The following ATP2C2 variants were observed in gnomAD, a reference collection of about 807,000 sequenced individuals.
The protein encoded by ATP2C2 is ATPase secretory pathway Ca2+ transporting 2.
ATP2C2 carries 171 observed loss-of-function variants against 110.8 expected under a neutral mutation model. The observed-to-expected ratio is 1.54, with a 90% CI of 1.36 to 1.75. The LOEUF is 1.75. ATP2C2 is among the 40% of genes most tolerant of loss of function. The pLI is 0.00. For synonymous variants in ATP2C2, 804 were observed against 508.4 expected (o/e 1.58, Z -7.82); for missense variants, 1,963 against 1,235.0 (o/e 1.59, Z -8.84).
chr16:84,439,360 A>G, intron 12 of ATP2C2, 67 bp from the exon 13 acceptor site: 2 of 1,612,650 alleles, frequency 1.2e-6, no homozygotes, highest in Admixed American at 3.3e-5. Context: ...AGGGCAATCC[A>G]GCCTGGGGGT....
intron 18 of ATP2C2, 112 bp downstream of exon 18, chr16:84,452,203 A>G: frequency 7.6e-7 from 1 of 1,315,418 alleles, no homozygotes; most frequent in Non-Finnish European, 1.0e-6. Flanking sequence ...GCTCACGCCT[A>G]GCCCTACAGG....
At chr16:84,373,275 G>A (rs895502113) in intron 1 of ATP2C2, among the ~76,000 whole-genome samples, 22 of 152,244 alleles carry the variant, frequency 1.4e-4, no homozygotes, top group South Asian at 6.2e-4. Flanking sequence ...CGAGGCAGGC[G>A]GATCACCTGA....
intron 14 of ATP2C2, 98 bp downstream of exon 14, chr16:84,441,056 T>C: frequency 2.8e-6 from 3 of 1,070,890 alleles, no homozygotes; most frequent in Middle Eastern, 2.0e-4. Flanking sequence ...CTACTGGTTC[T>C]TGACAATGAC....
At chr16:84,444,172 A>AC (rs1410511918) in intron 15 of ATP2C2, among the ~76,000 whole-genome samples, 1 of 150,074 alleles carries the variant, frequency 6.7e-6, no homozygotes, top group African/African-American at 2.5e-5. Flanking sequence ...CAAAAAAAAA[A>AC]AAAAAAAAAA....
intron 6 of ATP2C2, among the ~76,000 whole-genome samples, chr16:84,412,433 T>A (rs566376341): frequency 1.3e-5 from 2 of 150,202 alleles, no homozygotes; most frequent in African/African-American, 4.8e-5. Flanking sequence ...TGTGTGCGTG[T>A]GTGTATGCAT....
At chr16:84,422,767 C>T (rs1180062745) in intron 9 of ATP2C2, 70 bp downstream of exon 9, 4 of 1,452,094 alleles carry the variant, frequency 2.8e-6, no homozygotes, top group Non-Finnish European at 3.8e-6. Flanking sequence ...CAAATAATAC[C>T]AGCCTTGCCT....
At chr16:84,390,387 C>T (rs1904579523) in intron 1 of ATP2C2, among the ~76,000 whole-genome samples, 2 of 152,228 alleles carry the variant, frequency 1.3e-5, no homozygotes, top group Admixed American at 6.5e-5. Context: ...GTAGGTTAAA[C>T]GTCAGTCCTG....
chr16:84,407,751 G>T (rs1351749766), intron 3 of ATP2C2, among the ~76,000 whole-genome samples: 1 of 152,156 alleles, frequency 6.6e-6, no homozygotes, highest in Admixed American at 6.6e-5. Flanking sequence ...GGATTACAGT[G>T]TGAGCCTCTG....
At chr16:84,425,835 G>A (rs139697415) in intron 11 of ATP2C2, 34 bp downstream of exon 11, 1 of 1,609,568 alleles carries the variant, frequency 6.2e-7, no homozygotes, top group East Asian at 2.2e-5. Flanking sequence ...TGCCTTGCCA[G>A]GGTGGTCAAT....
rs80149007 is a variant in ATP2C2 at position 84,410,600 on chromosome 16, C to G, written c.450C>G (p.Ile150Met). 595 of 1,614,144 alleles carry G rather than the reference C, an allele frequency of 3.7e-4. 6 individuals are homozygous for G. In the East Asian group the frequency reaches 0.012, roughly 33 times the overall value. Residue 150 changes from isoleucine to methionine, a missense_variant, in exon 5 of 27, where the codon ATC becomes ATG. Physicochemically the swap from Ile to Met is conservative, Grantham distance 10. Transcript: ENST00000262429. ...AVLVVVTVAF[I>M]QEYRSEKSLE... is the part of the protein sequence containing the mutation. Reference sequence around the variant, plus strand: ...TTGTCGTGGTCACTGTCGCCTTCATCCAGGTGAGTATTTCCTGAGGTCCCA... The same window carrying G: ...TTGTCGTGGTCACTGTCGCCTTCATGCAGGTGAGTATTTCCTGAGGTCCCA...
chr16:84,422,424 C>G lies in ATP2C2; in HGVS notation c.659C>G (p.Thr220Ser), dbSNP rs371870750. The G allele has an allele frequency of 1.5e-5, 25 of 1,614,010 alleles. No homozygotes were observed. The highest frequency in any genetic ancestry group is 2.2e-5 in the South Asian group (2 of 91,066). The change falls in exon 8 of 27, where the codon ACC becomes AGC. Residue 220 changes from threonine to serine, a missense_variant. By Grantham distance (58) the Thr-to-Ser change is moderately conservative (BLOSUM62 1). Coordinates refer to ENST00000262429, the MANE Select transcript of ATP2C2 (RefSeq NM_014861.4). ...CTCTTGGTGGATGAATCCAGTTTCACCGGGGAAGCCGAGCCATGTAGTAAA... is the reference window on the plus strand; with the variant it reads ...CTCTTGGTGGATGAATCCAGTTTCAGCGGGGAAGCCGAGCCATGTAGTAAA... ...TDLLVDESSFTGEAEPCSKTD... is the reference protein window; with the variant it reads ...TDLLVDESSFSGEAEPCSKTD...
intron 1 of ATP2C2, among the ~76,000 whole-genome samples, chr16:84,374,565 T>C (rs1472227299): frequency 2.6e-5 from 4 of 152,180 alleles, no homozygotes; most frequent in African/African-American, 9.7e-5. Context: ...ACAAGCTTTT[T>C]TTTAATAAGG....
At chr16:84,459,951 G>A (rs1468170907) in intron 23 of ATP2C2, 2 of 268,048 alleles carry the variant, frequency 7.5e-6, no homozygotes, top group African/African-American at 4.4e-5. Flanking sequence ...TGGCCAAGTG[G>A]TGTGGGGGAA....
intron 17 of ATP2C2, 107 bp from the exon 18 acceptor site, chr16:84,451,814 G>C: frequency 8.5e-7 from 1 of 1,171,962 alleles, no homozygotes; most frequent in Admixed American, 2.2e-5. Flanking sequence ...CTCCAACCTG[G>C]GCGATAAGAA....
intron 10 of ATP2C2, among the ~76,000 whole-genome samples, chr16:84,424,812 A>C (rs886439059): frequency 6.6e-6 from 1 of 152,152 alleles, no homozygotes; most frequent in Non-Finnish European, 1.5e-5. Context: ...GGATTTCGGA[A>C]GAGATGTACC....
intron 7 of ATP2C2, among the ~76,000 whole-genome samples, chr16:84,418,884 T>C (rs1907070342): frequency 6.6e-6 from 1 of 152,062 alleles, no homozygotes; most frequent in African/African-American, 2.4e-5. Flanking sequence ...GAGGTCAAAA[T>C]TGAAATCGTT....
At chr16:84,440,822 C>T in intron 13 of ATP2C2, 35 bp from the exon 14 acceptor site, 1 of 1,552,582 alleles carries the variant, frequency 6.4e-7, no homozygotes, top group Non-Finnish European at 8.8e-7. Context: ...GTTTTTGACT[C>T]TTGGCGAAAC....
intron 4 of ATP2C2, 54 bp downstream of exon 4, chr16:84,408,548 G>C (rs972731444): frequency 5.0e-6 from 7 of 1,400,054 alleles, no homozygotes; most frequent in African/African-American, 2.8e-5. Context: ...GGTCTGCTGA[G>C]TCTCTGCTTG....
intron 1 of ATP2C2, among the ~76,000 whole-genome samples, chr16:84,385,840 G>T (rs541084806): frequency 6.6e-6 from 1 of 152,142 alleles, no homozygotes; most frequent in Non-Finnish European, 1.5e-5. Flanking sequence ...CTCCCATGAG[G>T]TCCCTTCCCC....
Sources: gnomAD v4.1 joint callset for allele counts (sites outside exome capture counted in the v4.1 genomes callset) on GRCh38, gnomAD v4.1.1 for gene constraint, MANE v1.5 for transcripts, NCBI Gene and HGNC (gene_info 2026-07-23, HGNC 2026-07-21) for gene names.